The following CACNA1B variants were observed in gnomAD, a reference collection of about 807,000 sequenced individuals.
The protein encoded by CACNA1B is voltage-dependent N-type calcium channel subunit alpha-1B.
CACNA1B carries 70 observed loss-of-function variants against 247.2 expected under a neutral mutation model. That is an observed-to-expected ratio of 0.28 (90% CI 0.23 to 0.35). CACNA1B has a LOEUF of 0.35. CACNA1B is among the 10% of genes least tolerant of loss of function. CACNA1B has a pLI of 1.00. For missense variants in CACNA1B, 2,367 were observed against 3,197.4 expected, an observed-to-expected ratio of 0.74 and a Z score of 6.26; for synonymous variants, 1,231 against 1,294.4, an observed-to-expected ratio of 0.95 and a Z score of 1.05.
In CACNA1B at chr9:138,078,172, T is replaced by G; in HGVS notation, c.5008T>G (p.Cys1670Gly). 6.2e-7 allele frequency: 1 copy of G among 1,613,930 alleles called. No individual in the cohort carries two copies. The highest frequency in any genetic ancestry group is 8.5e-7 in the Non-Finnish European group (1 of 1,179,812). The change falls in exon 36 of 47, where the codon TGT becomes GGT. Residue 1670 changes from cysteine (C) to glycine (G), a missense_variant. Transcript: ENST00000371372. ...IMLSCLSNQA[C>G]DEQANATECG... ...GCTGTCCTGCCTGAGCAACCAGGCCTGTGATGAGCAGGCCAATGCCACCGA... is the reference window on the plus strand; with the variant it reads ...GCTGTCCTGCCTGAGCAACCAGGCCGGTGATGAGCAGGCCAATGCCACCGA...
intron 38 of CACNA1B, among the ~76,000 whole-genome samples, chr9:138,105,278 G>C (rs905831469): frequency 6.6e-6 from 1 of 152,196 alleles, no homozygotes; most frequent in African/African-American, 2.4e-5. Flanking sequence ...CCAGATGATC[G>C]AAGTGGTGGG....
chr9:137,931,419 T>TG (rs1042274071), intron 6 of CACNA1B, among the ~76,000 whole-genome samples: 1 of 152,016 alleles, frequency 6.6e-6, no homozygotes, highest in African/African-American at 2.4e-5. Context: ...TACAGTGGAA[T>TG]GGGGGGCGTT....
intron 42 of CACNA1B, among the ~76,000 whole-genome samples, chr9:138,116,518 A>AG (rs1456256036): frequency 6.6e-6 from 1 of 152,200 alleles, no homozygotes; most frequent in African/African-American, 2.4e-5. Flanking sequence ...CCTTGCATTT[A>AG]AAGTCCTGAT....
chr9:138,073,796 C>T lies in CACNA1B; in HGVS notation c.4791+192C>T, dbSNP rs183519472. Among the ~76,000 whole-genome samples, 2 of 152,332 alleles carry T rather than the reference C, an allele frequency of 1.3e-5. No homozygotes were observed. The highest frequency in any genetic ancestry group is 2.4e-5 in the African/African-American group (1 of 41,568). ...ATCTGTAGGTTCCCTTGGTCATGCT[C>T]ACAAGAACCCTGAGGTGGGTTTCAT... On this transcript the variant is annotated intron_variant, in intron 33 of 46. Transcript: ENST00000371372. This position sits in a 1 kb window ranked among gnomAD's most constrained non-coding sequence, Gnocchi z 6.4.
chr9:137,937,540 C>T (rs1352420925), intron 6 of CACNA1B, among the ~76,000 whole-genome samples: 1 of 152,090 alleles, frequency 6.6e-6, no homozygotes. Flanking sequence ...GAAAACTTCC[C>T]TAGCCTTGCT....
chr9:138,104,586 G>A (rs914846643), intron 38 of CACNA1B, among the ~76,000 whole-genome samples: 1 of 152,238 alleles, frequency 6.6e-6, no homozygotes, highest in African/African-American at 2.4e-5. Context: ...CATGTCTCCA[G>A]CCCGGCTTGC....
At chr9:138,097,040 T>G (rs1415010978) in intron 37 of CACNA1B, among the ~76,000 whole-genome samples, 1 of 151,524 alleles carries the variant, frequency 6.6e-6, no homozygotes, top group Non-Finnish European at 1.5e-5. Context: ...TGAGACTCGA[T>G]GTAGGGTTTT....
chr9:137,904,382 A>G (rs796991081), intron 3 of CACNA1B, among the ~76,000 whole-genome samples: 5 of 104,976 alleles, frequency 4.8e-5, no homozygotes, highest in African/African-American at 1.6e-4. Flanking sequence ...TTTGAGAGGC[A>G]GGGTCTTGCT....
rs200850551 is a variant in CACNA1B at position 138,121,618 on chromosome 9, C to T, written c.6639C>T (p.Phe2213=). Reference sequence around the variant, plus strand: ...CGGCCAACTCCTCACCCATCCACTTCGCCGGGGCTCAGACCAGCCTCCCTG... The same window carrying T: ...CGGCCAACTCCTCACCCATCCACTTTGCCGGGGCTCAGACCAGCCTCCCTG... ...YKTANSSPIH[F]AGAQTSLPAF... is the part of the protein sequence containing the mutation. Residue 2213 remains phenylalanine (F), a synonymous_variant, in exon 47 of 47, where the codon TTC becomes TTT. Transcript: ENST00000371372. The surrounding 1 kb of genome is among the most constrained non-coding windows in gnomAD (Gnocchi z 6.8). 12 of 1,613,144 alleles carry T rather than the reference C, an allele frequency of 7.4e-6. No homozygotes were observed. The highest frequency in any genetic ancestry group is 3.3e-5 in the South Asian group (3 of 91,000).
At chr9:137,989,576 A>T (rs1958408093) in intron 15 of CACNA1B, among the ~76,000 whole-genome samples, 1 of 152,250 alleles carries the variant, frequency 6.6e-6, no homozygotes, top group South Asian at 2.1e-4. Context: ...ATTTCCTACA[A>T]AATAATGACA....
chr9:138,055,216 T>C (rs1959452522), intron 26 of CACNA1B, among the ~76,000 whole-genome samples: 1 of 151,844 alleles, frequency 6.6e-6, no homozygotes, highest in Admixed American at 6.6e-5. Flanking sequence ...AGCCTCGAAC[T>C]GTCAGGCCCA....
Position 137,975,943 on chromosome 9 carries a change from C to T in CACNA1B, c.1580C>T (p.Thr527Ile). 1 of 1,613,480 alleles carries T rather than the reference C, an allele frequency of 6.2e-7. No homozygotes were observed. The highest frequency in any genetic ancestry group is 1.1e-5 in the South Asian group (1 of 91,056). ...TTTGTTTTCCTGGGTCTCTTCCTCA[C>T]AGAGATGTCCCTGAAGATGTATGGC... is the stretch of plus-strand genomic sequence containing the variant. The part of the protein sequence containing the change: ...AEFVFLGLFL[T>I]EMSLKMYGLG... The change falls in exon 12 of 47, where the codon ACA becomes ATA. Residue 527 changes from threonine to isoleucine, a missense_variant. Physicochemically the swap from Thr to Ile is moderately conservative, Grantham distance 89. This residue lies in a region of CACNA1B where 219 missense variants were observed against 297.6 expected (regional missense o/e 0.74). Coordinates refer to ENST00000371372, the MANE Select transcript of CACNA1B (RefSeq NM_000718.4).
intron 31 of CACNA1B, among the ~76,000 whole-genome samples, chr9:138,063,910 G>C (rs1398941013): frequency 6.6e-6 from 1 of 152,156 alleles, no homozygotes; most frequent in Non-Finnish European, 1.5e-5. Flanking sequence ...TTTTGGCTGG[G>C]GGGTGTCGGT....
intron 38 of CACNA1B, among the ~76,000 whole-genome samples, chr9:138,103,027 C>T (rs1961305692): frequency 6.6e-6 from 1 of 152,260 alleles, no homozygotes; most frequent in Non-Finnish European, 1.5e-5. Context: ...TCACTGGCCT[C>T]TTGTCCCCAC....
intron 36 of CACNA1B, among the ~76,000 whole-genome samples, chr9:138,085,589 A>G (rs1194718385): frequency 6.6e-6 from 1 of 151,296 alleles, no homozygotes. Context: ...GTTATGGTCA[A>G]ACTGTCAAAA....
At position 138,012,212 on chromosome 9, in the gene CACNA1B, A is replaced by G. The variant is rs1462266119; in HGVS notation, c.2161-917A>G. ...CAGCCACAGCTGGGGAAATGGGGAC[A>G]GACATGGTCTGCTGGCTCCAGGCAG... On this transcript the variant is annotated intron_variant, in intron 17 of 46. Transcript: ENST00000371372. The surrounding 1 kb of genome is among the most constrained non-coding windows in gnomAD (Gnocchi z 4.2). 1.3e-5 allele frequency among the ~76,000 whole-genome samples: 2 copies of G among 152,222 alleles called. No homozygotes were observed. Among genetic ancestry groups the G allele is most frequent in the Non-Finnish European group, 2.9e-5 (2 of 68,042 alleles).
At chr9:137,920,077 A>G (rs1957460432) in intron 6 of CACNA1B, among the ~76,000 whole-genome samples, 2 of 152,238 alleles carry the variant, frequency 1.3e-5, no homozygotes, top group Admixed American at 1.3e-4. Flanking sequence ...CAGGGGAGCA[A>G]AGAGGGGCCG....
chr9:137,977,820 G>T (rs963151338), intron 12 of CACNA1B, among the ~76,000 whole-genome samples: 3 of 152,182 alleles, frequency 2.0e-5, no homozygotes, highest in Non-Finnish European at 4.4e-5. Flanking sequence ...GTGACAAGGA[G>T]TGATGAGTGG....
At chr9:137,911,959 G>A (rs555461521) in intron 3 of CACNA1B, among the ~76,000 whole-genome samples, 2 of 152,348 alleles carry the variant, frequency 1.3e-5, no homozygotes, top group East Asian at 3.9e-4. Flanking sequence ...GGGAACAAAG[G>A]GGGAAGGAGC....
Sources: allele counts gnomAD v4.1 joint callset (sites outside exome capture counted in the v4.1 genomes callset), GRCh38; gene constraint gnomAD v4.1.1; regional missense constraint gnomAD v4.1.1; non-coding constraint Gnocchi (gnomAD v3.1); transcripts MANE v1.5; gene names NCBI Gene and HGNC (gene_info 2026-07-23, HGNC 2026-07-21).